Variants in FRMD4A observed in about 807,000 individuals in gnomAD.
The protein encoded by FRMD4A is FERM domain-containing protein 4A.
In FRMD4A, 29 loss-of-function variants were observed where a neutral mutation model predicts 129.1. That is an observed-to-expected ratio of 0.22 (90% CI 0.17 to 0.31). FRMD4A has a LOEUF of 0.31. Among genes scored for constraint, FRMD4A ranks in the 10% least tolerant of loss-of-function variants. The pLI, the probability that FRMD4A is intolerant of heterozygous loss-of-function variation, is 1.00. For synonymous variants in FRMD4A, 634 were observed against 571.6 expected (o/e 1.11, Z -1.56); for missense variants, 1,272 against 1,375.8 (o/e 0.92, Z 1.19).
intron 2 of FRMD4A, among the ~76,000 whole-genome samples, chr10:14,149,098 T>C (rs1840221295): frequency 6.6e-6 from 1 of 152,338 alleles, no homozygotes; most frequent in South Asian, 2.1e-4. Flanking sequence ...CAGATCCAAG[T>C]TCTTAAAACT....
At chr10:13,693,615 C>T (rs2085928702) in intron 15 of FRMD4A, 5 of 756,128 alleles carry the variant, frequency 6.6e-6, no homozygotes, top group Non-Finnish European at 1.9e-6. Flanking sequence ...TTGTGAAACG[C>T]TCTGGGGGGT....
intron 2 of FRMD4A, among the ~76,000 whole-genome samples, chr10:13,973,598 C>A (rs1188652345): frequency 6.6e-6 from 1 of 152,088 alleles, no homozygotes; most frequent in Non-Finnish European, 1.5e-5. Flanking sequence ...CTTATTTTTG[C>A]ACCCCAGTAA....
intron 2 of FRMD4A, among the ~76,000 whole-genome samples, chr10:13,990,419 T>C (rs992910060): frequency 1.3e-5 from 2 of 152,212 alleles, no homozygotes; most frequent in African/African-American, 4.8e-5. Context: ...TCCAGGGTCC[T>C]GGCCTGTCTT....
intron 3 of FRMD4A, among the ~76,000 whole-genome samples, chr10:13,828,537 T>TTCTTTC (rs1554923878): frequency 7.1e-6 from 1 of 141,714 alleles, no homozygotes; most frequent in East Asian, 2.1e-4. Context: ...CTTTCTTTCT[T>TTCTTTC]TTTTTTTTTT....
chr10:14,240,414 G>A (rs1844000615), intron 2 of FRMD4A, among the ~76,000 whole-genome samples: 2 of 152,256 alleles, frequency 1.3e-5, no homozygotes, highest in South Asian at 4.2e-4. Flanking sequence ...GCTGGTGTAT[G>A]ATGATAAATA....
chr10:13,798,429 A>C (rs4750417), intron 4 of FRMD4A, among the ~76,000 whole-genome samples: 91,864 of 149,456 alleles, frequency 0.61, 29,221 homozygotes, highest in South Asian at 0.8. Flanking sequence ...AATAAATAGG[A>C]CGGGCGTGGT....
intron 12 of FRMD4A, among the ~76,000 whole-genome samples, chr10:13,720,967 C>G (rs1275514223): frequency 6.6e-6 from 1 of 152,160 alleles, no homozygotes; most frequent in Non-Finnish European, 1.5e-5. Flanking sequence ...TGAAAGAAGC[C>G]AGACACGAAT....
At chr10:14,191,804 T>TC (rs1564376307) in intron 2 of FRMD4A, among the ~76,000 whole-genome samples, 2 of 115,140 alleles carry the variant, frequency 1.7e-5, no homozygotes, top group African/African-American at 5.7e-5. Context: ...GTTTTTTTTT[T>TC]TTCTCTCTCT....
intron 2 of FRMD4A, among the ~76,000 whole-genome samples, chr10:14,261,974 A>ACG (rs1213138374): frequency 7.2e-6 from 1 of 138,524 alleles, no homozygotes; most frequent in Non-Finnish European, 1.7e-5. Context: ...ACACACACAC[A>ACG]CACACACACA....
chr10:14,266,192 G>T (rs1462034433), intron 2 of FRMD4A, among the ~76,000 whole-genome samples: 1 of 152,018 alleles, frequency 6.6e-6, no homozygotes, highest in Non-Finnish European at 1.5e-5. Flanking sequence ...CCCGTGCATT[G>T]TAGGATGTTA....
At chr10:13,987,425 A>C (rs1261367460) in intron 2 of FRMD4A, among the ~76,000 whole-genome samples, 1 of 152,176 alleles carries the variant, frequency 6.6e-6, no homozygotes, top group East Asian at 1.9e-4. Flanking sequence ...ATGAGGGCCC[A>C]CTTACAGACT....
intron 2 of FRMD4A, among the ~76,000 whole-genome samples, chr10:14,236,586 G>T (rs879747554): frequency 1.4e-4 from 22 of 152,274 alleles, no homozygotes; most frequent in Non-Finnish European, 2.5e-4. Context: ...GGATGCTGAG[G>T]ACCAGACAAG....
At chr10:13,932,063 T>C (rs1158616620) in intron 2 of FRMD4A, among the ~76,000 whole-genome samples, 1 of 152,232 alleles carries the variant, frequency 6.6e-6, no homozygotes, top group Non-Finnish European at 1.5e-5. Flanking sequence ...AATGGCCTCT[T>C]TCATTCCCAC....
At chr10:14,293,487 T>C (rs1436928079) in intron 2 of FRMD4A, among the ~76,000 whole-genome samples, 4 of 152,112 alleles carry the variant, frequency 2.6e-5, no homozygotes, top group African/African-American at 9.7e-5. Flanking sequence ...AAAGAGTAAA[T>C]GCAAATGTCC....
chr10:13,983,306 C>T (rs1175567111), intron 2 of FRMD4A, among the ~76,000 whole-genome samples: 2 of 152,092 alleles, frequency 1.3e-5, no homozygotes, highest in Non-Finnish European at 2.9e-5. Flanking sequence ...TCATCCTCCC[C>T]TGAGCCGAGG....
chr10:14,035,468 T>G (rs1461930029), intron 2 of FRMD4A, among the ~76,000 whole-genome samples: 1 of 147,906 alleles, frequency 6.8e-6, no homozygotes, highest in African/African-American at 2.5e-5. Flanking sequence ...ACAAGCCAAA[T>G]ATAATCTGCT....
intron 12 of FRMD4A, among the ~76,000 whole-genome samples, chr10:13,719,767 A>G (rs546358942): frequency 6.6e-6 from 1 of 152,310 alleles, no homozygotes; most frequent in Admixed American, 6.5e-5. Context: ...AGGGTTTCCC[A>G]ACTGAACAGA....
chr10:13,808,439 C>T (rs1021075064), intron 4 of FRMD4A, among the ~76,000 whole-genome samples: 8 of 152,326 alleles, frequency 5.3e-5, no homozygotes, highest in Admixed American at 2.0e-4. Flanking sequence ...GTAAGGCTAG[C>T]GCTTACTACC....
chr10:13,858,548 T>C (rs1428261188), intron 3 of FRMD4A, among the ~76,000 whole-genome samples: 2 of 152,224 alleles, frequency 1.3e-5, no homozygotes, highest in African/African-American at 4.8e-5. Flanking sequence ...TAGGTTACAT[T>C]GTAGTTAACT....
Sources: gnomAD v4.1 joint callset for allele counts (sites outside exome capture counted in the v4.1 genomes callset) on GRCh38, gnomAD v4.1.1 for gene constraint, MANE v1.5 for transcripts, NCBI Gene and HGNC (gene_info 2026-07-23, HGNC 2026-07-21) for gene names.